The following DUSP22 variants were observed in gnomAD, a reference collection of about 807,000 sequenced individuals.
The protein encoded by DUSP22 is dual specificity protein phosphatase 22.
DUSP22 carries 24 observed loss-of-function variants against 24.5 expected under a neutral mutation model. The observed-to-expected ratio is 0.98, with a 90% CI of 0.71 to 1.38. The LOEUF (loss-of-function observed/expected upper bound fraction) is 1.38. Among genes scored for constraint, DUSP22 ranks in the 40% most tolerant of loss-of-function variants. DUSP22 has a pLI of 0.00. For synonymous variants in DUSP22, 160 were observed against 106.4 expected, an observed-to-expected ratio of 1.50 and a Z score of -3.10; for missense variants, 330 against 269.2, an observed-to-expected ratio of 1.23 and a Z score of -1.58.
intron 3 of DUSP22, among the ~76,000 whole-genome samples, chr6:323,305 T>A (rs2127405274): frequency 6.6e-6 from 1 of 152,420 alleles, no homozygotes; most frequent in African/African-American, 2.4e-5. Context: ...ATTGAGAAGT[T>A]ATTTCCCTCC....
chr6:350,276 C>T lies in DUSP22; in HGVS notation c.*1325C>T, dbSNP rs1236128731. 4.0e-6 allele frequency: 4 copies of T among 990,784 alleles called. No homozygotes were observed. Among genetic ancestry groups the T allele is most frequent in the Non-Finnish European group, 3.6e-6 (3 of 833,630 alleles). The allele number at this position is 990,784 out of a possible 1,614,324, so 61.4% of individuals were successfully genotyped here. On this transcript the variant is annotated 3_prime_UTR_variant, in exon 7 of 7. Coordinates refer to ENST00000419235, the MANE Select transcript of DUSP22 (RefSeq NM_001286555.3). The stretch of plus-strand genomic sequence containing the variant: ...TGGTGGGTAAAATTCCACATTCAGG[C>T]CACGAGAGCATCTACAGTTTGTACT...
At chr6:321,234 C>T (rs1454628564) in intron 3 of DUSP22, among the ~76,000 whole-genome samples, 1 of 152,300 alleles carries the variant, frequency 6.6e-6, no homozygotes, top group African/African-American at 2.4e-5. Flanking sequence ...AAGGTGTGTC[C>T]TGGCACTTTG....
chr6:309,326 T>C (rs1757961367), intron 2 of DUSP22, among the ~76,000 whole-genome samples: 1 of 152,300 alleles, frequency 6.6e-6, no homozygotes, highest in South Asian at 2.1e-4. Flanking sequence ...TATAAAAAGG[T>C]TTTTTCTTTC....
chr6:335,197 T>C (rs778030060), intron 4 of DUSP22, 34 bp downstream of exon 4: 2 of 1,606,410 alleles, frequency 1.2e-6, no homozygotes, highest in African/African-American at 2.7e-5. Context: ...TTTGGAGACA[T>C]TTAAAAAAAT....
intron 3 of DUSP22, among the ~76,000 whole-genome samples, chr6:324,083 C>T (rs770232968): frequency 2.0e-5 from 3 of 152,304 alleles, no homozygotes; most frequent in African/African-American, 4.8e-5. Flanking sequence ...TTCCTTTAAG[C>T]TGAGGTTTCC....
intron 1 of DUSP22, among the ~76,000 whole-genome samples, chr6:298,701 G>T (rs1237365358): frequency 1.3e-5 from 2 of 152,300 alleles, no homozygotes; most frequent in Admixed American, 1.3e-4. Context: ...ATGCCCAGAC[G>T]GTCTTGTAAC....
intron 3 of DUSP22, among the ~76,000 whole-genome samples, chr6:322,067 G>A (rs1223288583): frequency 6.6e-6 from 1 of 152,390 alleles, no homozygotes; most frequent in Non-Finnish European, 1.5e-5. Context: ...TCTACATAGT[G>A]TATGCATATC....
chr6:303,808 A>G (rs1199324885), intron 1 of DUSP22, among the ~76,000 whole-genome samples: 1 of 152,308 alleles, frequency 6.6e-6, no homozygotes, highest in African/African-American at 2.4e-5. Context: ...AGCCACCCCA[A>G]TTTCTCATTG....
chr6:317,730 C>T (rs938964080), intron 3 of DUSP22, among the ~76,000 whole-genome samples: 11 of 152,420 alleles, frequency 7.2e-5, no homozygotes, highest in East Asian at 3.9e-4. Flanking sequence ...AGGCAGCTGC[C>T]GTGCTGGGGT....
intron 4 of DUSP22, among the ~76,000 whole-genome samples, chr6:342,656 G>GCATT (rs1455890201): frequency 5.3e-5 from 8 of 152,310 alleles, no homozygotes; most frequent in Admixed American, 1.3e-4. Flanking sequence ...CTGACACATG[G>GCATT]CATTCTAAGG....
chr6:306,751 C>G (rs569007164), intron 2 of DUSP22, among the ~76,000 whole-genome samples: 11 of 152,306 alleles, frequency 7.2e-5, no homozygotes, highest in Non-Finnish European at 1.5e-4. Flanking sequence ...CGGGAACACA[C>G]GATGTGCTGG....
chr6:332,073 G>A (rs1759165925), intron 3 of DUSP22, among the ~76,000 whole-genome samples: 1 of 152,306 alleles, frequency 6.6e-6, no homozygotes, highest in Non-Finnish European at 1.5e-5. Flanking sequence ...CTGGCAGTGT[G>A]ATCTTTGTGT....
chr6:300,068 G>C (rs1251966838), intron 1 of DUSP22, among the ~76,000 whole-genome samples: 11 of 152,302 alleles, frequency 7.2e-5, no homozygotes, highest in Admixed American at 7.2e-4. Context: ...TAGACTGGAG[G>C]TCCATGGGCC....
intron 2 of DUSP22, among the ~76,000 whole-genome samples, chr6:305,225 C>T (rs1178146551): frequency 6.6e-6 from 1 of 152,304 alleles, no homozygotes; most frequent in Non-Finnish European, 1.5e-5. Context: ...GTGGCCCCCA[C>T]TTGCACCCAA....
chr6:320,694 C>T (rs1182933900), intron 3 of DUSP22, among the ~76,000 whole-genome samples: 13 of 152,230 alleles, frequency 8.5e-5, no homozygotes, highest in Non-Finnish European at 1.3e-4. Flanking sequence ...AGGACTAGTG[C>T]GGTTTGACTC....
chr6:330,138 C>T (rs557829751), intron 3 of DUSP22, among the ~76,000 whole-genome samples: 1 of 152,424 alleles, frequency 6.6e-6, no homozygotes, highest in South Asian at 2.1e-4. Flanking sequence ...GAGGACCCCC[C>T]TGGGCTCACC....
Position 314,362 on chromosome 6 carries a change from G to A in DUSP22, c.138+2400G>A, listed in dbSNP as rs1295439028. Among the ~76,000 whole-genome samples the A allele has an allele frequency of 5.3e-5, 8 of 152,272 alleles. No individual in the cohort carries two copies. The South Asian group carries it at 1.7e-3, about 32-fold the overall frequency. ...AGGTAGCTACTGTCTAAAATGGAAG[G>A]GTTTTGGTCCTGCTACATCCATGCA... On this transcript the variant is annotated intron_variant, in intron 3 of 6. Coordinates refer to ENST00000419235, the MANE Select transcript of DUSP22 (RefSeq NM_001286555.3).
At position 335,279 on chromosome 6, in the gene DUSP22, C is replaced by A. The variant is rs559614944; in HGVS notation, c.188+116C>A. 58 of 1,335,538 alleles carry A rather than the reference C, an allele frequency of 4.3e-5. No homozygotes were observed. The Admixed American group carries it at 1.0e-3, about 24-fold the overall frequency. The allele number at this position is 1,335,538 out of a possible 1,614,324, so 82.7% of individuals were successfully genotyped here. A position where few individuals can be genotyped will look rare whatever the true frequency, so the allele number is the denominator to read the frequency against. On this transcript the variant is annotated intron_variant, in intron 4 of 6. Transcript: ENST00000419235. The stretch of plus-strand genomic sequence containing the variant: ...CAGAGCTCACGGGACCCTTGCTGAC[C>A]CTGCCAGGGAAGAGGCTGTGAGCCT...
Position 350,953 on chromosome 6 carries a change from TC to T in DUSP22, c.*2004del. The T allele has an allele frequency of 6.4e-7, 1 of 1,563,280 alleles. No homozygotes were observed. The highest frequency in any genetic ancestry group is 8.8e-7 in the Non-Finnish European group (1 of 1,137,924). On this transcript the variant is annotated 3_prime_UTR_variant, in exon 7 of 7. Coordinates refer to ENST00000419235, the MANE Select transcript of DUSP22 (RefSeq NM_001286555.3). ...AGAAAAGCAACATAGAGTTTAAGTA[TC>T]CAGTAGTGATTTGTAAACTTGTTTT...
Sources: allele counts gnomAD v4.1 joint callset (sites outside exome capture counted in the v4.1 genomes callset), GRCh38; gene constraint gnomAD v4.1.1; transcripts MANE v1.5; gene names NCBI Gene and HGNC (gene_info 2026-07-23, HGNC 2026-07-21).